LAMA2: variants seen among roughly 807,000 people sequenced by gnomAD.
The protein encoded by LAMA2 is laminin subunit alpha-2.
Under a neutral mutation model 364.8 loss-of-function variants are expected in LAMA2, and 269 were observed. That is an observed-to-expected ratio of 0.74 (90% confidence interval 0.67 to 0.82). The LOEUF (loss-of-function observed/expected upper bound fraction) is 0.82. LAMA2 is among the 40% of genes least tolerant of loss of function. The pLI is 0.00. For missense variants in LAMA2, 3,807 were observed against 3,873.2 expected (o/e 0.98, Z 0.45); for synonymous variants, 1,379 against 1,370.6 (o/e 1.01, Z -0.14).
chr6:129,245,009 T>C (rs1245908929), intron 12 of LAMA2, among the ~76,000 whole-genome samples: 1 of 152,242 alleles, frequency 6.6e-6, no homozygotes, highest in East Asian at 1.9e-4. Context: ...GTTCTTCTTT[T>C]CTTAATGGGG....
chr6:128,910,974 T>C (rs1777888857), intron 1 of LAMA2, among the ~76,000 whole-genome samples: 1 of 151,204 alleles, frequency 6.6e-6, no homozygotes, highest in African/African-American at 2.5e-5. Flanking sequence ...GGGACCCACT[T>C]GAGGAGGCAG....
chr6:129,266,898 C>T (rs1439370107), intron 15 of LAMA2, among the ~76,000 whole-genome samples: 2 of 152,044 alleles, frequency 1.3e-5, no homozygotes, highest in Non-Finnish European at 2.9e-5. Context: ...TAATCTCATA[C>T]CTGCCAATAA....
intron 32 of LAMA2, 84 bp downstream of exon 32, chr6:129,353,441 C>A: frequency 1.8e-6 from 2 of 1,124,726 alleles, no homozygotes; most frequent in African/African-American, 1.6e-5. Flanking sequence ...TGACTCTCCC[C>A]GCCCGCCTTT....
chr6:128,930,117 G>A, intron 1 of LAMA2: 2 of 275,826 alleles, frequency 7.3e-6, no homozygotes, highest in Non-Finnish European at 6.7e-6. Context: ...GGGCGGCGCC[G>A]CGCCCGGCAG....
At chr6:128,991,806 T>C (rs1783629779) in intron 1 of LAMA2, among the ~76,000 whole-genome samples, 1 of 152,184 alleles carries the variant, frequency 6.6e-6, no homozygotes, top group Non-Finnish European at 1.5e-5. Flanking sequence ...GCCCCTGACA[T>C]CTGTACATGT....
At chr6:129,059,654 TG>T in intron 2 of LAMA2, 129 bp from the exon 3 acceptor site, 1 of 672,332 alleles carries the variant, frequency 1.5e-6, no homozygotes, top group South Asian at 1.6e-5. Context: ...ACTCTCCTTC[TG>T]TATTATTTTA....
At chr6:129,335,643 C>A (rs912110001) in intron 29 of LAMA2, among the ~76,000 whole-genome samples, 1 of 152,148 alleles carries the variant, frequency 6.6e-6, no homozygotes, top group Non-Finnish European at 1.5e-5. Context: ...TTACCTCTAT[C>A]TTCAGTAAAT....
At chr6:129,161,201 T>C (rs1031598080) in intron 8 of LAMA2, among the ~76,000 whole-genome samples, 1 of 152,168 alleles carries the variant, frequency 6.6e-6, no homozygotes, top group African/African-American at 2.4e-5. Flanking sequence ...TTATTAACAT[T>C]GCCACAGCAG....
At chr6:129,434,003 C>G (rs1261536682) in intron 41 of LAMA2, among the ~76,000 whole-genome samples, 2 of 152,100 alleles carry the variant, frequency 1.3e-5, no homozygotes, top group Non-Finnish European at 2.9e-5. Flanking sequence ...CCCACATCTT[C>G]CAACTCTGTG....
At chr6:129,286,037 C>G (rs1335392981) in intron 18 of LAMA2, among the ~76,000 whole-genome samples, 1 of 152,106 alleles carries the variant, frequency 6.6e-6, no homozygotes, top group Non-Finnish European at 1.5e-5. Flanking sequence ...ATTAATGGCT[C>G]TGCCCCAGAA....
chr6:129,030,814 T>C (rs1401624955), intron 1 of LAMA2, among the ~76,000 whole-genome samples: 1 of 152,154 alleles, frequency 6.6e-6, no homozygotes, highest in African/African-American at 2.4e-5. Flanking sequence ...ATTAATTTTA[T>C]GAATATTTTA....
chr6:129,199,931 T>C (rs1319380748), intron 12 of LAMA2, among the ~76,000 whole-genome samples: 1 of 151,446 alleles, frequency 6.6e-6, no homozygotes, highest in African/African-American at 2.4e-5. Flanking sequence ...ATACAAAAAT[T>C]AGCCAGGTGT....
At chr6:129,344,292 A>G (rs1295639285) in intron 30 of LAMA2, among the ~76,000 whole-genome samples, 4 of 152,202 alleles carry the variant, frequency 2.6e-5, no homozygotes, top group African/African-American at 9.6e-5. Context: ...AAGAATGGAG[A>G]CAAAGGAATG....
At chr6:128,907,042 T>G (rs1562816477) in intron 1 of LAMA2, among the ~76,000 whole-genome samples, 2 of 149,558 alleles carry the variant, frequency 1.3e-5, no homozygotes, top group Non-Finnish European at 1.5e-5. Context: ...ACTGTAGACT[T>G]GTAGTATAGT....
At chr6:128,917,405 C>A (rs1044918845) in intron 1 of LAMA2, among the ~76,000 whole-genome samples, 1 of 151,872 alleles carries the variant, frequency 6.6e-6, no homozygotes, top group Non-Finnish European at 1.5e-5. Flanking sequence ...TTTACTTTTT[C>A]TTTTATTCCT....
chr6:129,372,764 G>A (rs942049998), intron 34 of LAMA2, among the ~76,000 whole-genome samples: 9 of 152,244 alleles, frequency 5.9e-5, no homozygotes, highest in African/African-American at 9.6e-5. Flanking sequence ...CATTCCCACC[G>A]GCAATAAATG....
chr6:129,418,565 G>A (rs1361909126), intron 40 of LAMA2, among the ~76,000 whole-genome samples: 1 of 152,098 alleles, frequency 6.6e-6, no homozygotes, highest in African/African-American at 2.4e-5. Flanking sequence ...TTGAGATCAT[G>A]TGTAAATATC....
chr6:129,018,215 G>A (rs1785196666), intron 1 of LAMA2, among the ~76,000 whole-genome samples: 2 of 151,926 alleles, frequency 1.3e-5, no homozygotes, highest in Admixed American at 6.6e-5. Flanking sequence ...AACAAAAGAA[G>A]TATTTTAGAA....
intron 30 of LAMA2, 110 bp from the exon 31 acceptor site, chr6:129,349,188 T>C: frequency 1.2e-6 from 1 of 803,308 alleles, no homozygotes; most frequent in South Asian, 1.4e-5. Context: ...AAAGATGGCA[T>C]TTATTACTAC....
Sources: gnomAD v4.1 joint callset for allele counts (sites outside exome capture counted in the v4.1 genomes callset) on GRCh38, gnomAD v4.1.1 for gene constraint, MANE v1.5 for transcripts, NCBI Gene and HGNC (gene_info 2026-07-23, HGNC 2026-07-21) for gene names.